BIRC6: variants seen among roughly 807,000 people sequenced by gnomAD.
The protein encoded by BIRC6 is baculoviral IAP repeat containing 6.
In BIRC6, 98 loss-of-function variants were observed where a neutral mutation model predicts 503.3. The ratio of observed to expected loss-of-function variants is 0.19; its 90% CI spans 0.17 to 0.23. The LOEUF (loss-of-function observed/expected upper bound fraction) is 0.23, where lower values mean the gene tolerates loss of function less well. BIRC6 is among the 10% of genes least tolerant of loss of function. BIRC6 has a pLI of 1.00. For missense variants in BIRC6, 5,360 were observed against 5,806.0 expected, an observed-to-expected ratio of 0.92 and a Z score of 2.50; for synonymous variants, 2,240 against 2,078.7, an observed-to-expected ratio of 1.08 and a Z score of -2.11.
Position 32,560,649 on chromosome 2 carries a change from T to C in BIRC6, c.13144+11168T>C, listed in dbSNP as rs533432401. Among the ~76,000 whole-genome samples the C allele has an allele frequency of 7.9e-5, 12 of 152,318 alleles. No homozygotes were observed. In the South Asian group the frequency reaches 2.5e-3, roughly 32 times the overall value. ...GGGCTGGAGTGCAGTGGTGTGCTCA[T>C]AGGGCACTGCAGCCTTCAATTCTTA... On this transcript the variant is annotated intron_variant, in intron 65 of 73. Coordinates refer to ENST00000421745, the MANE Select transcript of BIRC6 (RefSeq NM_016252.4).
intron 6 of BIRC6, among the ~76,000 whole-genome samples, chr2:32,400,492 C>T (rs1415603372): frequency 3.3e-5 from 5 of 151,904 alleles, no homozygotes; most frequent in Non-Finnish European, 5.9e-5. Context: ...GCGCCCACCA[C>T]CATGCCCAGC....
intron 26 of BIRC6, among the ~76,000 whole-genome samples, chr2:32,466,969 A>G (rs553151620): frequency 7.0e-4 from 106 of 152,210 alleles, no homozygotes; most frequent in African/African-American, 2.5e-3. Flanking sequence ...ACTACAAAAA[A>G]TTAGCCGGGC....
chr2:32,399,082 T>G (rs1043886327), intron 6 of BIRC6, among the ~76,000 whole-genome samples: 3 of 152,030 alleles, frequency 2.0e-5, no homozygotes, highest in Non-Finnish European at 4.4e-5. Context: ...AAATTTTATT[T>G]ATTTATTTAT....
At chr2:32,575,557 G>A (rs1010188950) in intron 66 of BIRC6, among the ~76,000 whole-genome samples, 191 bp downstream of exon 66, 4 of 152,130 alleles carry the variant, frequency 2.6e-5, no homozygotes, top group Admixed American at 1.3e-4. Context: ...GAGGTCAGGA[G>A]ATCAAGACCA....
chr2:32,532,632 AG>A (rs779568012), intron 61 of BIRC6, among the ~76,000 whole-genome samples: 5 of 152,156 alleles, frequency 3.3e-5, no homozygotes, highest in Non-Finnish European at 7.4e-5. Flanking sequence ...ATATCTTGGG[AG>A]GACAAAATGC....
In BIRC6 at chr2:32,503,200, G is replaced by T; in HGVS notation, c.9463G>T (p.Asp3155Tyr). The T allele has an allele frequency of 6.2e-7, 1 of 1,612,264 alleles. No individual in the cohort carries two copies. The highest frequency in any genetic ancestry group is 8.5e-7 in the Non-Finnish European group (1 of 1,179,390). ...LKTRILASEP[D>Y]NAEGIHNFAP... ...AACAAGAATACTAGCTTCTGAGCCTGACAATGCTGAAGGGATTCATAACTT... is the reference window on the plus strand; with the variant it reads ...AACAAGAATACTAGCTTCTGAGCCTTACAATGCTGAAGGGATTCATAACTT... Residue 3155 changes from aspartate (D) to tyrosine (Y), a missense_variant, in exon 49 of 74, where the codon GAC becomes TAC. By Grantham distance (160) the Asp-to-Tyr change is radical (BLOSUM62 -3). Transcript: ENST00000421745.
intron 1 of BIRC6, among the ~76,000 whole-genome samples, chr2:32,374,536 G>A (rs573068871): frequency 1.3e-4 from 20 of 150,578 alleles, no homozygotes; most frequent in African/African-American, 4.2e-4. Context: ...GCAGTGGCGT[G>A]ATCTTGGCTC....
In BIRC6 at chr2:32,500,158, G is replaced by T. The variant is rs1178884146; in HGVS notation, c.9031+49G>T. On this transcript the variant is annotated intron_variant, in intron 46 of 73. Transcript: ENST00000421745. ...TACCATTGTCTCTGATACTATAACT[G>T]GTTTTTTTTTAAGCAATATATGGAT... The T allele has an allele frequency of 5.6e-6, 8 of 1,439,136 alleles. No individual in the cohort carries two copies. The African/African-American group carries it at 9.1e-5, about 16-fold the overall frequency. 89.1% of individuals were successfully genotyped at this position (1,439,136 alleles called of 1,614,324 possible). A position where few individuals can be genotyped will look rare whatever the true frequency, so the allele number is the denominator to read the frequency against.
At chr2:32,445,982 C>T (rs1050350836) in intron 21 of BIRC6, among the ~76,000 whole-genome samples, 2 of 151,962 alleles carry the variant, frequency 1.3e-5, no homozygotes, top group Non-Finnish European at 2.9e-5. Flanking sequence ...CTCAGCCTCC[C>T]GAGTAGCTGG....
intron 9 of BIRC6, among the ~76,000 whole-genome samples, chr2:32,408,276 CTCTT>C (rs2149861000): frequency 6.6e-6 from 1 of 151,800 alleles, no homozygotes; most frequent in South Asian, 2.1e-4. Flanking sequence ...CCAGACCTGG[CTCTT>C]TCTTTTGTTT....
At chr2:32,373,648 A>G (rs895103070) in intron 1 of BIRC6, among the ~76,000 whole-genome samples, 2 of 152,318 alleles carry the variant, frequency 1.3e-5, no homozygotes, top group Admixed American at 1.3e-4. Context: ...GGGAATATAA[A>G]ATGGTGCAGC....
chr2:32,515,805 T>G (rs750743633), intron 55 of BIRC6, 35 bp downstream of exon 55: 8 of 1,539,546 alleles, frequency 5.2e-6, no homozygotes, highest in Non-Finnish European at 7.0e-6. Context: ...TTTAGTTGTT[T>G]TATTACATAA....
chr2:32,490,737 T>C (rs754224732), intron 43 of BIRC6, among the ~76,000 whole-genome samples: 8 of 152,184 alleles, frequency 5.3e-5, no homozygotes, highest in Admixed American at 6.5e-5. Context: ...TTCATCTAAG[T>C]TTTTATGTTA....
intron 64 of BIRC6, 184 bp from the exon 65 acceptor site, chr2:32,549,129 C>G: frequency 4.8e-6 from 2 of 419,124 alleles, no homozygotes; most frequent in Non-Finnish European, 8.4e-6. Flanking sequence ...GTAAGCAACA[C>G]TCTCAGACAA....
intron 65 of BIRC6, 47 bp downstream of exon 65, chr2:32,549,528 C>A: frequency 7.8e-7 from 1 of 1,286,970 alleles, no homozygotes. Context: ...ATTTTGTTTG[C>A]TTATTTTATC....
intron 72 of BIRC6, among the ~76,000 whole-genome samples, chr2:32,609,537 C>G (rs1328146206): frequency 6.6e-6 from 1 of 151,986 alleles, no homozygotes; most frequent in Non-Finnish European, 1.5e-5. Context: ...TAAAATTGAT[C>G]TTTAATATAA....
chr2:32,463,131 T>G, intron 23 of BIRC6, 63 bp from the exon 24 acceptor site: 1 of 1,365,924 alleles, frequency 7.3e-7, no homozygotes, highest in Non-Finnish European at 9.9e-7. Flanking sequence ...ACATGTTTTG[T>G]CTTTAACCTT....
chr2:32,581,051 C>G (rs1278700680), intron 66 of BIRC6, among the ~76,000 whole-genome samples: 2 of 152,146 alleles, frequency 1.3e-5, no homozygotes, highest in African/African-American at 4.8e-5. Flanking sequence ...AACACTAATC[C>G]TATTACTTGG....
chr2:32,458,067 G>A (rs1459926713), intron 23 of BIRC6, among the ~76,000 whole-genome samples: 1 of 152,054 alleles, frequency 6.6e-6, no homozygotes, highest in East Asian at 1.9e-4. Flanking sequence ...GGGATTCTAA[G>A]TTACTAGTTA....
Sources: gnomAD v4.1 joint callset for allele counts (sites outside exome capture counted in the v4.1 genomes callset) on GRCh38, gnomAD v4.1.1 for gene constraint, MANE v1.5 for transcripts, NCBI Gene and HGNC (gene_info 2026-07-23, HGNC 2026-07-21) for gene names.